The following AFG2A variants were observed in gnomAD, a reference collection of about 807,000 sequenced individuals.
The protein encoded by AFG2A is AAA ATPase AFG2A.
chr4:123,151,380 G>A, the AFG2A span, among the ~76,000 whole-genome samples: 3,334 of 152,136 alleles, frequency 0.022, 66 homozygotes, highest in Non-Finnish European at 0.035. Flanking sequence ...TCTTACAAAG[G>A]CCTAATATCC....
the AFG2A span, among the ~76,000 whole-genome samples, chr4:123,049,639 C>T: frequency 6.6e-6 from 1 of 151,888 alleles, no homozygotes; most frequent in Admixed American, 6.6e-5. Flanking sequence ...ATAATAGTTT[C>T]TAATGATCCT....
the AFG2A span, among the ~76,000 whole-genome samples, chr4:122,989,561 G>A: frequency 6.6e-6 from 1 of 152,172 alleles, no homozygotes; most frequent in Non-Finnish European, 1.5e-5. Context: ...TGGGTCTAGA[G>A]CCTGAGACCA....
the AFG2A span, among the ~76,000 whole-genome samples, chr4:123,023,595 TA>T: frequency 6.6e-6 from 1 of 151,140 alleles, no homozygotes; most frequent in African/African-American, 2.5e-5. Context: ...CACATTTTAA[TA>T]AATTATTTAC....
chr4:123,085,046 C>T, the AFG2A span, among the ~76,000 whole-genome samples: 1 of 151,350 alleles, frequency 6.6e-6, no homozygotes, highest in African/African-American at 2.4e-5. Context: ...TTGCTGTTGA[C>T]TTTCAGTTTA....
At chr4:123,130,173 A>AAT in the AFG2A span, among the ~76,000 whole-genome samples, 1 of 76,694 alleles carries the variant, frequency 1.3e-5, no homozygotes, top group African/African-American at 2.9e-5. Context: ...GTTCCCAGCT[A>AAT]ATATATATAT....
the AFG2A span, among the ~76,000 whole-genome samples, chr4:122,942,765 G>A: frequency 4.0e-5 from 6 of 150,614 alleles, no homozygotes; most frequent in Non-Finnish European, 8.9e-5. Flanking sequence ...TTCTCTTGTG[G>A]GCATTTAGTG....
chr4:123,101,996 T>A, the AFG2A span, among the ~76,000 whole-genome samples: 1 of 151,946 alleles, frequency 6.6e-6, no homozygotes, highest in Non-Finnish European at 1.5e-5. Flanking sequence ...TCACTGAGCA[T>A]CTGTTTCTGT....
the AFG2A span, among the ~76,000 whole-genome samples, chr4:123,205,818 C>T: frequency 6.6e-6 from 1 of 152,248 alleles, no homozygotes; most frequent in African/African-American, 2.4e-5. Context: ...TATATCATTA[C>T]AACTATCACC....
chr4:122,935,620 A>G, the AFG2A span: 2 of 1,399,214 alleles, frequency 1.4e-6, no homozygotes, highest in South Asian at 3.7e-5. Context: ...CGCAAGGTAA[A>G]GTTAAATTTT....
chr4:122,983,732 A>G, the AFG2A span, among the ~76,000 whole-genome samples: 7 of 152,278 alleles, frequency 4.6e-5, no homozygotes, highest in East Asian at 3.9e-4. Context: ...GATATGATCT[A>G]TCCTTCAGAA....
At chr4:123,260,095 C>T in the AFG2A span, 2 of 152,230 alleles carry the variant, frequency 1.3e-5, no homozygotes, top group Admixed American at 6.5e-5. Flanking sequence ...ACAGGCCCTT[C>T]CTGGGAGCAG....
chr4:123,299,685 G>A, the AFG2A span, among the ~76,000 whole-genome samples: 1 of 152,226 alleles, frequency 6.6e-6, no homozygotes, highest in South Asian at 2.1e-4. Context: ...GAAATCTGAA[G>A]AAAGTTCACT....
chr4:123,021,531 A>G, the AFG2A span, among the ~76,000 whole-genome samples: 6 of 152,230 alleles, frequency 3.9e-5, no homozygotes, highest in African/African-American at 1.2e-4. Context: ...TTAATAGACT[A>G]TAAGAATCAC....
chr4:123,256,276 GA>G, the AFG2A span: 1 of 1,386,102 alleles, frequency 7.2e-7, no homozygotes, highest in Non-Finnish European at 9.9e-7. Context: ...TGTTTTAAAT[GA>G]CCATACTAAG....
chr4:122,961,364 A>G, the AFG2A span, among the ~76,000 whole-genome samples: 1 of 152,246 alleles, frequency 6.6e-6, no homozygotes, highest in African/African-American at 2.4e-5. Context: ...TTATCCTAGT[A>G]TAAAAGATAG....
chr4:123,144,098 G>A, the AFG2A span, among the ~76,000 whole-genome samples: 1 of 151,970 alleles, frequency 6.6e-6, no homozygotes, highest in Non-Finnish European at 1.5e-5. Context: ...CTGGGGAAAA[G>A]GCAGTAAATG....
At chr4:123,221,504 A>G in the AFG2A span, among the ~76,000 whole-genome samples, 1 of 152,206 alleles carries the variant, frequency 6.6e-6, no homozygotes, top group Non-Finnish European at 1.5e-5. Flanking sequence ...ACTATTCAAA[A>G]ACAATGTAAA....
the AFG2A span, among the ~76,000 whole-genome samples, chr4:123,261,393 G>C: frequency 6.6e-6 from 1 of 151,894 alleles, no homozygotes; most frequent in African/African-American, 2.4e-5. Context: ...GAAAATATCA[G>C]AAAAAAGCAA....
At chr4:123,122,427 C>CTGT in the AFG2A span, among the ~76,000 whole-genome samples, 1 of 152,142 alleles carries the variant, frequency 6.6e-6, no homozygotes, top group Non-Finnish European at 1.5e-5. Flanking sequence ...AACATAAAAC[C>CTGT]TGTTTTATAA....
Sources: allele counts gnomAD v4.1 joint callset (sites outside exome capture counted in the v4.1 genomes callset), GRCh38; gene constraint gnomAD v4.1.1; transcripts MANE v1.5; gene names NCBI Gene and HGNC (gene_info 2026-07-23, HGNC 2026-07-21).